The following PIP4K2B variants were observed in gnomAD, a reference collection of about 807,000 sequenced individuals.
PIP4K2B encodes the protein phosphatidylinositol 5-phosphate 4-kinase type-2 beta.
Under a neutral mutation model 42.0 loss-of-function variants are expected in PIP4K2B, and 3 were observed. The ratio of observed to expected loss-of-function variants is 0.07; its 90% CI spans 0.03 to 0.18. The LOEUF (loss-of-function observed/expected upper bound fraction) is 0.18, where lower values mean the gene tolerates loss of function less well. PIP4K2B is among the 10% of genes least tolerant of loss of function. PIP4K2B has a pLI of 1.00. For synonymous variants in PIP4K2B, 204 were observed against 210.1 expected (o/e 0.97, Z 0.25); for missense variants, 332 against 562.3 (o/e 0.59, Z 4.14).
chr17:38,795,753 GA>G (rs1163279684), intron 1 of PIP4K2B, among the ~76,000 whole-genome samples: 4,595 of 111,908 alleles, frequency 0.041, 222 homozygotes, highest in African/African-American at 0.14. Flanking sequence ...TCTGTCTCAA[GA>G]AAAAAAAAAA....
chr17:38,780,643 G>A (rs752061435), intron 3 of PIP4K2B, 39 bp from the exon 4 acceptor site: 6 of 1,592,774 alleles, frequency 3.8e-6, no homozygotes, highest in Admixed American at 1.7e-5. Flanking sequence ...CTTGGCAGGG[G>A]AACAGAATTC....
chr17:38,780,693 G>A (rs1469672247), intron 3 of PIP4K2B, 89 bp from the exon 4 acceptor site: 11 of 1,330,120 alleles, frequency 8.3e-6, no homozygotes, highest in Admixed American at 7.8e-5. Context: ...TGGACTGCTT[G>A]AAAGCCAACA....
chr17:38,778,291 T>C, intron 6 of PIP4K2B, 43 bp downstream of exon 6: 2 of 1,602,158 alleles, frequency 1.2e-6, no homozygotes, highest in Non-Finnish European at 1.7e-6. Context: ...GAGTTGTTTC[T>C]GACTCCAAGC....
In PIP4K2B at chr17:38,779,421, T is replaced by C. The variant is rs774742531; in HGVS notation, c.616A>G (p.Ser206Gly). The change falls in exon 5 of 10, where the codon AGC becomes GGC. Residue 206 changes from serine (S) to glycine (G), a missense_variant. Coordinates refer to ENST00000619039, the MANE Select transcript of PIP4K2B (RefSeq NM_003559.5). ...TTGCGATGCACAGTGAGCCGATGGC[T>C]GAACACGTTCCTGGTAACCACCATG... ...TYMVVTRNVF[S>G]HRLTVHRKYD... 1.3e-5 allele frequency: 21 copies of C among 1,613,394 alleles called. No homozygotes were observed. The African/African-American group carries it at 2.7e-4, about 21-fold the overall frequency.
Position 38,799,059 on chromosome 17 carries a change from G to A in PIP4K2B, c.159+207C>T, listed in dbSNP as rs1403737805. ...GCTGGAGGGAAGGGGAGGTGGCGAC[G>A]GCAGACCACAGAGACACCAGGCCTC... On this transcript the variant is annotated intron_variant, in intron 1 of 9. Coordinates refer to ENST00000619039, the MANE Select transcript of PIP4K2B (RefSeq NM_003559.5). The surrounding 1 kb of genome is among the most constrained non-coding windows in gnomAD (Gnocchi z 4.4). Among the ~76,000 whole-genome samples, 3 of 151,976 alleles carry A rather than the reference G, an allele frequency of 2.0e-5. No homozygotes were observed. The East Asian group carries it at 5.8e-4, about 30-fold the overall frequency.
rs541874386 is a variant in PIP4K2B, at chr17:38,774,964, T to G, written c.807+2723A>C. Among the ~76,000 whole-genome samples, 25 of 149,520 alleles carry G rather than the reference T, an allele frequency of 1.7e-4. No individual in the cohort carries two copies. The East Asian group carries it at 2.4e-3, about 14-fold the overall frequency. ...TTTGTGTGTGTGTGTGTGTGTGTGT[T>G]TTTGAGATGAGGTCTCGTTCTGTCG... On this transcript the variant is annotated intron_variant, in intron 7 of 9. Transcript: ENST00000619039.
intron 7 of PIP4K2B, among the ~76,000 whole-genome samples, chr17:38,774,400 A>G (rs1909202950): frequency 6.6e-6 from 1 of 152,136 alleles, no homozygotes; most frequent in Non-Finnish European, 1.5e-5. Context: ...CCACACCACC[A>G]GCTCTCCTGG....
chr17:38,780,566 G>A lies in PIP4K2B; in HGVS notation c.393C>T (p.Ser131=), dbSNP rs570311434. ...GGAAACGCGTGCCACACCGACCCTG[G>A]CTGTCACTGTTGATGGGGGCGCTGC... is the stretch of plus-strand genomic sequence containing the variant. ...VTRSAPINSD[S]QGRCGTRFLT... is the part of the protein sequence containing the mutation. Residue 131 remains serine (S), a synonymous_variant, in exon 4 of 10, where the codon AGC becomes AGT. Transcript: ENST00000619039. 15 of 1,613,516 alleles carry A rather than the reference G, an allele frequency of 9.3e-6. No individual in the cohort carries two copies. The East Asian group carries it at 2.2e-4, about 24-fold the overall frequency.
intron 1 of PIP4K2B, among the ~76,000 whole-genome samples, chr17:38,795,601 G>A (rs542160531): frequency 6.6e-6 from 1 of 151,594 alleles, no homozygotes; most frequent in East Asian, 2.0e-4. Flanking sequence ...GAATACAAAA[G>A]TTAGCTGGGT....
At chr17:38,783,967 A>T (rs139902954) in intron 3 of PIP4K2B, among the ~76,000 whole-genome samples, 1 of 152,306 alleles carries the variant, frequency 6.6e-6, no homozygotes, top group East Asian at 1.9e-4. Context: ...ATGTCAGACT[A>T]AAATAAAGGT....
Position 38,769,534 on chromosome 17 carries a change from C to A in PIP4K2B, c.*157G>T. On this transcript the variant is annotated 3_prime_UTR_variant, in exon 10 of 10. Transcript: ENST00000619039. ...CATCCCCCTCCTCTTCAGCTAAAGT[C>A]TCTTTCGGTGTCACAGGCTGCAGTC... is the stretch of plus-strand genomic sequence containing the variant. The A allele has an allele frequency of 2.9e-6, 2 of 680,748 alleles. No individual in the cohort carries two copies. Among genetic ancestry groups the A allele is most frequent in the East Asian group, 5.0e-5 (2 of 40,040 alleles). 42.2% of individuals were successfully genotyped at this position (680,748 alleles called of 1,614,324 possible).
intron 7 of PIP4K2B, among the ~76,000 whole-genome samples, chr17:38,773,990 G>C (rs1234265420): frequency 6.6e-6 from 1 of 152,204 alleles, no homozygotes; most frequent in Non-Finnish European, 1.5e-5. Context: ...GACAAATAAT[G>C]TCAGATGATG....
intron 1 of PIP4K2B, among the ~76,000 whole-genome samples, chr17:38,787,807 A>T (rs1331363054): frequency 6.6e-6 from 1 of 152,124 alleles, no homozygotes; most frequent in Non-Finnish European, 1.5e-5. Context: ...CATGTTGGTC[A>T]GGCTGGTCTT....
Position 38,780,307 on chromosome 17 carries a change from G to A in PIP4K2B, c.507+145C>T, listed in dbSNP as rs77145613. The stretch of plus-strand genomic sequence containing the variant: ...TAGGCATTTCAGCTCACAGAAATAC[G>A]GTTGCAGGAGAGTCCCACTGCTTGG... On this transcript the variant is annotated intron_variant, in intron 4 of 9. Coordinates refer to ENST00000619039, the MANE Select transcript of PIP4K2B (RefSeq NM_003559.5). 2,627 of 563,818 alleles carry A rather than the reference G, an allele frequency of 4.7e-3. 56 individuals are homozygous for A. Among genetic ancestry groups the A allele is most frequent in the African/African-American group, 0.045 (2,356 of 52,442 alleles). The allele number at this position is 563,818 out of a possible 1,614,324, so 34.9% of individuals were successfully genotyped here. A position where few individuals can be genotyped will look rare whatever the true frequency, so the allele number is the denominator to read the frequency against.
chr17:38,795,765 A>G (rs1289338224), intron 1 of PIP4K2B, among the ~76,000 whole-genome samples: 2 of 151,968 alleles, frequency 1.3e-5, no homozygotes, highest in African/African-American at 2.4e-5. Flanking sequence ...AAAAAAAAAA[A>G]AGAAAAGAAT....
chr17:38,767,847 T>G lies in PIP4K2B; in HGVS notation c.*1844A>C, dbSNP rs1908783974. ...TCTCCATGAGCCAGTTGGTTTCAAGTTCCCTAAGTCATGTAGTGGTCTTGC... is the reference window on the plus strand; with the variant it reads ...TCTCCATGAGCCAGTTGGTTTCAAGGTCCCTAAGTCATGTAGTGGTCTTGC... On this transcript the variant is annotated 3_prime_UTR_variant, in exon 10 of 10. Coordinates refer to ENST00000619039, the MANE Select transcript of PIP4K2B (RefSeq NM_003559.5). 1.3e-5 allele frequency: 2 copies of G among 152,242 alleles called. No individual in the cohort carries two copies. The highest frequency in any genetic ancestry group is 4.1e-4 in the South Asian group (2 of 4,830). 9.4% of individuals were successfully genotyped at this position (152,242 alleles called of 1,614,324 possible).
chr17:38,776,213 G>A, intron 7 of PIP4K2B: 7 of 314,452 alleles, frequency 2.2e-5, no homozygotes, highest in South Asian at 1.7e-4. Flanking sequence ...CAGAAGATCC[G>A]CCCACCTCAG....
intron 1 of PIP4K2B, among the ~76,000 whole-genome samples, chr17:38,795,099 C>CAAAAAAAAAAAAAAAAAAAAAAA: frequency 2.4e-5 from 1 of 41,498 alleles, no homozygotes; most frequent in South Asian, 1.3e-3. Context: ...AACTCCATCT[C>CAAAAAAAAAAAAAAAAAAAAAAA]AAAAAAAAAA....
intron 8 of PIP4K2B, 137 bp from the exon 9 acceptor site, chr17:38,770,676 G>T: frequency 1.5e-6 from 1 of 670,086 alleles, no homozygotes; most frequent in East Asian, 2.5e-5. Context: ...AGGACCAGTG[G>T]AGTCCTTTCC....
Sources: allele counts gnomAD v4.1 joint callset (sites outside exome capture counted in the v4.1 genomes callset), GRCh38; gene constraint gnomAD v4.1.1; non-coding constraint Gnocchi (gnomAD v3.1); transcripts MANE v1.5; gene names NCBI Gene and HGNC (gene_info 2026-07-23, HGNC 2026-07-21).